Variants in MYO16 observed in about 807,000 individuals in gnomAD.
The protein encoded by MYO16 is myosin XVI.
A neutral mutation model predicts 205.3 loss-of-function variants in MYO16; 94 were observed. The ratio of observed to expected loss-of-function variants is 0.46; its 90% CI spans 0.39 to 0.54. The LOEUF is 0.54. Ranked by LOEUF, MYO16 falls within the 20% of genes least tolerant of loss-of-function variation. The probability of loss-of-function intolerance (pLI) is 0.00; values close to 1 mark genes in which losing one functional copy is unlikely to be tolerated. For synonymous variants in MYO16, 988 were observed against 954.0 expected (o/e 1.04, Z -0.66); for missense variants, 2,315 against 2,387.5 (o/e 0.97, Z 0.63).
chr13:108,928,829 C>A (rs989262179), intron 16 of MYO16, among the ~76,000 whole-genome samples: 1 of 152,146 alleles, frequency 6.6e-6, no homozygotes, highest in Non-Finnish European at 1.5e-5. Context: ...CTTTTCATAT[C>A]AAACTATATT....
intron 27 of MYO16, among the ~76,000 whole-genome samples, chr13:109,070,568 ATTTACTC>A (rs1887893230): frequency 6.6e-6 from 1 of 152,142 alleles, no homozygotes; most frequent in South Asian, 2.1e-4. Flanking sequence ...TAGGGTAGCC[ATTTACTC>A]TTTAGAGTGA....
At chr13:108,870,004 C>A (rs1243087557) in intron 12 of MYO16, among the ~76,000 whole-genome samples, 3 of 151,108 alleles carry the variant, frequency 2.0e-5, no homozygotes, top group Non-Finnish European at 4.4e-5. Context: ...TATTTCTTAT[C>A]TCAGGAGAAA....
intron 2 of MYO16, among the ~76,000 whole-genome samples, chr13:108,676,029 T>G (rs1566543921): frequency 6.6e-6 from 1 of 152,226 alleles, no homozygotes; most frequent in African/African-American, 2.4e-5. Flanking sequence ...TAATAAATGT[T>G]AGCTACTATT....
Position 109,014,925 on chromosome 13 carries a change from T to C in MYO16, c.2596-4786T>C, listed in dbSNP as rs1041233215. Among the ~76,000 whole-genome samples the C allele has an allele frequency of 3.3e-5, 5 of 152,208 alleles. No individual in the cohort carries two copies. The East Asian group carries it at 9.6e-4, about 29-fold the overall frequency. The stretch of plus-strand genomic sequence containing the variant: ...ATCTGCAAACAGGGACACTTTGACT[T>C]CCTCTTTTCCTAATTGAATATCCTT... On this transcript the variant is annotated intron_variant, in intron 22 of 34. Transcript: ENST00000457511.
At chr13:108,924,778 G>A (rs541626257) in intron 16 of MYO16, among the ~76,000 whole-genome samples, 233 of 152,188 alleles carry the variant, frequency 1.5e-3, no homozygotes, top group African/African-American at 4.4e-3. Context: ...CTGACGTCAC[G>A]TCTTCTGCTA....
At chr13:108,712,184 G>A in intron 2 of MYO16, among the ~76,000 whole-genome samples, 1 of 152,328 alleles carries the variant, frequency 6.6e-6, no homozygotes, top group East Asian at 1.9e-4. Flanking sequence ...TGCTTTGTGA[G>A]AATGGTGGAA....
chr13:109,125,372 G>C lies in MYO16; in HGVS notation c.3782+14G>C. On this transcript the variant is annotated intron_variant, in intron 30 of 34. Coordinates refer to ENST00000457511, the MANE Select transcript of MYO16 (RefSeq NM_001198950.3). The surrounding 1 kb of genome is among the most constrained non-coding windows in gnomAD (Gnocchi z 4.0). ...AGGAAGCAAAAGGTAAAGGCAGAGA[G>C]CATGCAATTTTAATTACCTTTGTGA... 2.5e-6 allele frequency: 4 copies of C among 1,613,050 alleles called. No homozygotes were observed. The highest frequency in any genetic ancestry group is 2.5e-6 in the Non-Finnish European group (3 of 1,179,384).
chr13:109,062,711 G>C (rs1217829892), intron 27 of MYO16, among the ~76,000 whole-genome samples: 1 of 152,066 alleles, frequency 6.6e-6, no homozygotes, highest in Non-Finnish European at 1.5e-5. Flanking sequence ...TCAAAATACT[G>C]TTACATCAAG....
chr13:108,915,693 G>C (rs527318903), intron 16 of MYO16, among the ~76,000 whole-genome samples: 2 of 152,202 alleles, frequency 1.3e-5, no homozygotes, highest in Non-Finnish European at 2.9e-5. Flanking sequence ...GAAAAGCTAG[G>C]TTCCTAAATC....
chr13:109,128,431 A>T lies in MYO16; in HGVS notation c.4051+881A>T, dbSNP rs546225178. On this transcript the variant is annotated intron_variant, in intron 31 of 34. Coordinates refer to ENST00000457511, the MANE Select transcript of MYO16 (RefSeq NM_001198950.3). ...AGAACTCGCTAGAAAATAATATCTG[A>T]GAACATAAGATGAAACACAGTTCCT... Among the ~76,000 whole-genome samples, 13 of 152,324 alleles carry T rather than the reference A, an allele frequency of 8.5e-5. No individual in the cohort carries two copies. The South Asian group carries it at 2.1e-3, about 24-fold the overall frequency.
At chr13:109,000,191 T>C (rs1486848314) in intron 21 of MYO16, among the ~76,000 whole-genome samples, 1 of 152,250 alleles carries the variant, frequency 6.6e-6, no homozygotes, top group East Asian at 1.9e-4. Context: ...GCTGTCCAGC[T>C]ATAAAGCTCC....
At chr13:108,628,276 T>A (rs1042239554), upstream of MYO16, among the ~76,000 whole-genome samples, 20 of 152,196 alleles carry the variant, frequency 1.3e-4, no homozygotes, top group Non-Finnish European at 1.5e-5. Context: ...GGAATCAGCA[T>A]TCCTGATGAA....
chr13:108,986,660 C>T (rs1384616695), intron 20 of MYO16, among the ~76,000 whole-genome samples: 4 of 147,654 alleles, frequency 2.7e-5, no homozygotes, highest in African/African-American at 7.4e-5. Context: ...AGTATTCAGG[C>T]TTTTAAAGTC....
Position 109,140,306 on chromosome 13 carries a change from TGAA to T in MYO16, c.4100_4102del (p.Lys1367del), listed in dbSNP as rs1330001925. 5.0e-6 allele frequency: 8 copies of T among 1,601,974 alleles called. No homozygotes were observed. The highest frequency in any genetic ancestry group is 2.2e-5 in the East Asian group (1 of 44,722). On this transcript the variant is annotated inframe_deletion, in exon 32 of 35. Coordinates refer to ENST00000457511, the MANE Select transcript of MYO16 (RefSeq NM_001198950.3). The surrounding 1 kb of genome is among the most constrained non-coding windows in gnomAD (Gnocchi z 8.0). Reference sequence around the variant, plus strand: ...CCGCACAGCGACGACTACAGCACCATGAAGAAGATTCCTCCTCGAAAGCCCAAG... The same window carrying T: ...CCGCACAGCGACGACTACAGCACCATGAAGATTCCTCCTCGAAAGCCCAAG...
chr13:108,662,898 T>C (rs752846859), intron 1 of MYO16, among the ~76,000 whole-genome samples: 77 of 152,162 alleles, frequency 5.1e-4, no homozygotes, highest in Non-Finnish European at 7.1e-4. Flanking sequence ...AATGGGCTGC[T>C]TGGGGACACA....
At chr13:108,792,282 A>G (rs1053218288) in intron 5 of MYO16, among the ~76,000 whole-genome samples, 12 of 152,170 alleles carry the variant, frequency 7.9e-5, no homozygotes, top group African/African-American at 2.9e-4. Flanking sequence ...TAGTCATGAA[A>G]TGTTCAACTG....
Position 108,804,074 on chromosome 13 carries a change from G to A in MYO16, c.742-2605G>A, listed in dbSNP as rs547628835. On this transcript the variant is annotated intron_variant, in intron 6 of 34. Transcript: ENST00000457511. Reference sequence around the variant, plus strand: ...ATCTGAGTGCTGGAGGCTGCAGAGCGTGGCTTCGGATCTCAGTAACCATGC... The same window carrying A: ...ATCTGAGTGCTGGAGGCTGCAGAGCATGGCTTCGGATCTCAGTAACCATGC... Among the ~76,000 whole-genome samples, 12 of 152,298 alleles carry A rather than the reference G, an allele frequency of 7.9e-5. No homozygotes were observed. The East Asian group carries it at 1.4e-3, about 17-fold the overall frequency.
At chr13:108,977,119 C>T (rs574346125) in intron 20 of MYO16, among the ~76,000 whole-genome samples, 1 of 152,174 alleles carries the variant, frequency 6.6e-6, no homozygotes, top group Admixed American at 6.5e-5. Context: ...ATTACAGAAA[C>T]GCTATCCTAT....
In MYO16 at chr13:108,911,919, C is replaced by A. The variant is rs1251125603; in HGVS notation, c.1925+1769C>A. 2.6e-5 allele frequency among the ~76,000 whole-genome samples: 4 copies of A among 152,296 alleles called. No individual in the cohort carries two copies. In the East Asian group the frequency reaches 7.7e-4, roughly 29 times the overall value. ...TCAAGAATGATTCCTGTGGCTGTGG[C>A]CTGAGCAACACATGGTGTTATTGTG... On this transcript the variant is annotated intron_variant, in intron 16 of 34. Coordinates refer to ENST00000457511, the MANE Select transcript of MYO16 (RefSeq NM_001198950.3).
Sources: allele counts gnomAD v4.1 joint callset (sites outside exome capture counted in the v4.1 genomes callset), GRCh38; gene constraint gnomAD v4.1.1; non-coding constraint Gnocchi (gnomAD v3.1); transcripts MANE v1.5; gene names NCBI Gene and HGNC (gene_info 2026-07-23, HGNC 2026-07-21).